Variants in GPR180 observed in about 807,000 individuals in gnomAD.
GPR180 encodes integral membrane protein GPR180.
In GPR180, 53 loss-of-function variants were observed where a neutral mutation model predicts 52.6. That is an observed-to-expected ratio of 1.01 (90% confidence interval 0.81 to 1.27). The LOEUF is 1.27. GPR180 is among the 50% of genes most tolerant of loss of function. GPR180 has a pLI of 0.00. For synonymous variants in GPR180, 200 were observed against 193.1 expected (o/e 1.04, Z -0.30); for missense variants, 533 against 527.0 (o/e 1.01, Z -0.11).
chr13:94,623,017 C>T, intron 6 of GPR180, 92 bp from the exon 7 acceptor site: 1 of 874,730 alleles, frequency 1.1e-6, no homozygotes, highest in African/African-American at 1.7e-5. Context: ...GTTTATATAA[C>T]ATTTAAAGGG....
intron 7 of GPR180, 96 bp from the exon 8 acceptor site, chr13:94,625,870 A>T: frequency 3.9e-6 from 3 of 765,172 alleles, no homozygotes; most frequent in Non-Finnish European, 6.6e-6. Flanking sequence ...GTTGAGGTTA[A>T]TCAGAACCTA....
Position 94,627,097 on chromosome 13 carries a change from G to T in GPR180, c.1249G>T (p.Glu417Ter). 6.2e-7 allele frequency: 1 copy of T among 1,612,914 alleles called. No homozygotes were observed. The highest frequency in any genetic ancestry group is 8.5e-7 in the Non-Finnish European group (1 of 1,179,286). ...CTTTCTGTCTCACAGTCTATACTGGGAAGTTTCTTCACTTTCTTCAGTAAC... is the reference window on the plus strand; with the variant it reads ...CTTTCTGTCTCACAGTCTATACTGGTAAGTTTCTTCACTTTCTTCAGTAAC... Reference protein sequence around the residue: ...RLFLSHSLYWEVSSLSSVTLP... With the variant: ...RLFLSHSLYW The change falls in exon 9 of 9, where the codon GAA becomes TAA. Residue 417 changes from glutamate (E) to a stop codon, truncating the protein, a stop_gained. Transcript: ENST00000376958. LOFTEE classifies it high-confidence loss of function.
chr13:94,604,223 T>C (rs1288707828), intron 1 of GPR180, among the ~76,000 whole-genome samples: 5 of 151,818 alleles, frequency 3.3e-5, no homozygotes, highest in African/African-American at 9.7e-5. Context: ...ATCCCAGCTA[T>C]TTTGGGAGGG....
intron 5 of GPR180, 100 bp from the exon 6 acceptor site, chr13:94,620,978 G>A: frequency 1.9e-6 from 2 of 1,071,818 alleles, no homozygotes; most frequent in Non-Finnish European, 2.6e-6. Context: ...GGCTTTTTGT[G>A]GTTTTTCTTA....
Position 94,601,910 on chromosome 13 carries a change from G to T in GPR180, c.-18G>T. 11 of 1,466,598 alleles carry T rather than the reference G, an allele frequency of 7.5e-6. No individual in the cohort carries two copies. The highest frequency in any genetic ancestry group is 9.9e-6 in the Non-Finnish European group (11 of 1,113,810). 90.8% of individuals were successfully genotyped at this position (1,466,598 alleles called of 1,614,324 possible). A position where few individuals can be genotyped will look rare whatever the true frequency, so the allele number is the denominator to read the frequency against. The stretch of plus-strand genomic sequence containing the variant: ...GGCGGCTGGGAGCCGAGGCGTCGGT[G>T]CAGACCTGGAGACGGGCATGGGGGG... On this transcript the variant is annotated 5_prime_UTR_variant, in exon 1 of 9. Transcript: ENST00000376958.
Position 94,629,056 on chromosome 13 carries a change from T to C in GPR180, c.*1885T>C, listed in dbSNP as rs1889962187. 6.6e-6 allele frequency: 1 copy of C among 152,144 alleles called. No individual in the cohort carries two copies. Among genetic ancestry groups the C allele is most frequent in the Non-Finnish European group, 1.5e-5 (1 of 67,968 alleles). 9.4% of individuals were successfully genotyped at this position (152,144 alleles called of 1,614,324 possible). On this transcript the variant is annotated 3_prime_UTR_variant, in exon 9 of 9. Transcript: ENST00000376958. Reference sequence around the variant, plus strand: ...TTCTTAAATTTATGGTTGGAAATGCTGATAATTTATTTTGTTATTTAAGAG... The same window carrying C: ...TTCTTAAATTTATGGTTGGAAATGCCGATAATTTATTTTGTTATTTAAGAG...
intron 2 of GPR180, among the ~76,000 whole-genome samples, chr13:94,609,720 C>G (rs1463306059): frequency 6.7e-6 from 1 of 150,042 alleles, no homozygotes; most frequent in African/African-American, 2.4e-5. Context: ...AAACTAGAGT[C>G]TTTGCTACAT....
At position 94,619,198 on chromosome 13, in the gene GPR180, CT is replaced by C; in HGVS notation, c.556del (p.Cys186AlafsTer19). ...CTAGTCCTAGTGTACTTTGTGATTG[CT>C]TGCATTTATGCTCAATCATTGTGGC... ...FLLVLVYFVI[A>X]CIYAQSLWQA... On this transcript the variant is annotated frameshift_variant, in exon 4 of 9. Transcript: ENST00000376958. LOFTEE classifies it high-confidence loss of function. The C allele has an allele frequency of 6.2e-7, 1 of 1,613,964 alleles. No homozygotes were observed. The highest frequency in any genetic ancestry group is 1.7e-4 in the Middle Eastern group (1 of 6,060).
Position 94,626,031 on chromosome 13 carries a change from C to T in GPR180, c.1152C>T (p.Tyr384=), listed in dbSNP as rs1333259921. ...LACISVIFSD[Y]QRDKVITIGV... ...GCATTTCTGTCATTTTTAGCGACTACCAAAGAGACAAGGTAAGAAATATAC... is the reference window on the plus strand; with the variant it reads ...GCATTTCTGTCATTTTTAGCGACTATCAAAGAGACAAGGTAAGAAATATAC... The change falls in exon 8 of 9, where the codon TAC becomes TAT. Residue 384 remains tyrosine (Y), a synonymous_variant. Coordinates refer to ENST00000376958, the MANE Select transcript of GPR180 (RefSeq NM_180989.6). 3.1e-6 allele frequency: 5 copies of T among 1,607,678 alleles called. No individual in the cohort carries two copies. The highest frequency in any genetic ancestry group is 4.3e-6 in the Non-Finnish European group (5 of 1,175,220).
Position 94,621,147 on chromosome 13 carries a change from T to C in GPR180, c.806T>C (p.Val269Ala). 6.2e-7 allele frequency: 1 copy of C among 1,612,736 alleles called. No homozygotes were observed. Among genetic ancestry groups the C allele is most frequent in the East Asian group, 2.2e-5 (1 of 44,810 alleles). Residue 269 changes from valine to alanine, a missense_variant, in exon 6 of 9, where the codon GTC becomes GCC. Coordinates refer to ENST00000376958, the MANE Select transcript of GPR180 (RefSeq NM_180989.6). The part of the protein sequence containing the change: ...LLSLCMGWTI[V>A]RMKKSQSRPL... The stretch of plus-strand genomic sequence containing the variant: ...AGTCTATGCATGGGTTGGACAATAG[T>C]CAGAATGAAGAAGTCTCAAAGCAGA...
chr13:94,622,656 C>G (rs1256734518), intron 6 of GPR180, among the ~76,000 whole-genome samples: 1 of 152,200 alleles, frequency 6.6e-6, no homozygotes, highest in Non-Finnish European at 1.5e-5. Context: ...AATCAGGAAC[C>G]TCCACCTCCT....
At chr13:94,616,429 C>T (rs1042658382) in intron 3 of GPR180, among the ~76,000 whole-genome samples, 2 of 152,184 alleles carry the variant, frequency 1.3e-5, no homozygotes, top group Non-Finnish European at 2.9e-5. Flanking sequence ...GGTGCTGCCC[C>T]AGAACCCAAG....
rs1889949330 is a variant in GPR180, at chr13:94,628,002, A to G, written c.*831A>G. 6.6e-6 allele frequency: 1 copy of G among 152,506 alleles called. No individual in the cohort carries two copies. Among genetic ancestry groups the G allele is most frequent in the African/African-American group, 2.4e-5 (1 of 41,448 alleles). The allele number at this position is 152,506 out of a possible 1,614,324, so 9.4% of individuals were successfully genotyped here. ...TTCATTTCTCTTACGTTGAATCCCC[A>G]ATCATAATTAAGCCGTATACACAGA... On this transcript the variant is annotated 3_prime_UTR_variant, in exon 9 of 9. Transcript: ENST00000376958.
chr13:94,607,874 T>A (rs1294823009), intron 2 of GPR180, among the ~76,000 whole-genome samples: 1 of 152,258 alleles, frequency 6.6e-6, no homozygotes. Context: ...GTTAAGTTTT[T>A]ACTAAGTATT....
chr13:94,602,550 C>T (rs897659485), intron 1 of GPR180, among the ~76,000 whole-genome samples: 63 of 146,618 alleles, frequency 4.3e-4, no homozygotes, highest in Non-Finnish European at 7.9e-4. Context: ...GTTTTGGAAA[C>T]CAAGTAAAAC....
At chr13:94,602,484 T>C (rs1484844352) in intron 1 of GPR180, among the ~76,000 whole-genome samples, 1 of 137,752 alleles carries the variant, frequency 7.3e-6, no homozygotes. Context: ...TAAATTTCCT[T>C]TTTTTTTTTT....
chr13:94,608,259 G>C (rs548387988), intron 2 of GPR180, among the ~76,000 whole-genome samples: 1 of 152,118 alleles, frequency 6.6e-6, no homozygotes, highest in African/African-American at 2.4e-5. Context: ...AGTTGGACTA[G>C]GTGTCCCTAA....
intron 1 of GPR180, among the ~76,000 whole-genome samples, chr13:94,602,391 T>A (rs2139561619): frequency 6.6e-6 from 1 of 152,266 alleles, no homozygotes; most frequent in East Asian, 1.9e-4. Context: ...GGCCGCATCT[T>A]TCCAGATCCT....
At chr13:94,610,906 C>G (rs957477274) in intron 2 of GPR180, among the ~76,000 whole-genome samples, 1 of 152,168 alleles carries the variant, frequency 6.6e-6, no homozygotes, top group African/African-American at 2.4e-5. Context: ...GGATTGAGAA[C>G]CACTTACTAA....
Sources: gnomAD v4.1 joint callset for allele counts (sites outside exome capture counted in the v4.1 genomes callset) on GRCh38, gnomAD v4.1.1 for gene constraint, MANE v1.5 for transcripts, NCBI Gene and HGNC (gene_info 2026-07-23, HGNC 2026-07-21) for gene names.